ECH1: variants seen among roughly 807,000 people sequenced by gnomAD.
ECH1 encodes the protein enoyl-CoA hydratase 1, also known as delta(3,5)-Delta(2,4)-dienoyl-CoA isomerase, mitochondrial.
In ECH1, 30 loss-of-function variants were observed where a neutral mutation model predicts 37.0. That is an observed-to-expected ratio of 0.81 (90% CI 0.61 to 1.10). The LOEUF is 1.10. ECH1 is among the 50% of genes least tolerant of loss of function. The probability of loss-of-function intolerance (pLI) is 0.00; values close to 1 mark genes in which losing one functional copy is unlikely to be tolerated. For synonymous variants in ECH1, 178 were observed against 176.0 expected (o/e 1.01, Z -0.09); for missense variants, 456 against 441.6 (o/e 1.03, Z -0.29).
At chr19:38,816,600 C>T in intron 6 of ECH1, 77 bp from the exon 7 acceptor site, 1 of 1,538,036 alleles carries the variant, frequency 6.5e-7, no homozygotes, top group Non-Finnish European at 8.9e-7. Flanking sequence ...CATGAAATTT[C>T]ATGTCTACTG....
At chr19:38,819,428 T>C (rs913231888) in intron 3 of ECH1, among the ~76,000 whole-genome samples, 1 of 151,966 alleles carries the variant, frequency 6.6e-6, no homozygotes, top group Non-Finnish European at 1.5e-5. Context: ...CCGCCTTACC[T>C]CCGGGCTGCA....
chr19:38,819,046 C>T (rs985315363), intron 3 of ECH1: 6 of 912,404 alleles, frequency 6.6e-6, no homozygotes, highest in Admixed American at 6.2e-5. Context: ...TTGGAGGCTG[C>T]GGTCAGCTAT....
chr19:38,831,011 G>T, intron 3 of ECH1, 67 bp downstream of exon 3: 2 of 1,411,662 alleles, frequency 1.4e-6, no homozygotes, highest in Non-Finnish European at 2.0e-6. Context: ...TAATTCAGAA[G>T]CACTGCTCCA....
intron 3 of ECH1, among the ~76,000 whole-genome samples, chr19:38,820,960 G>A (rs1319673931): frequency 1.3e-5 from 2 of 152,208 alleles, no homozygotes; most frequent in African/African-American, 4.8e-5. Context: ...AAATGAACAA[G>A]AGGAGGAACA....
rs1568355469 is a variant in ECH1, at chr19:38,815,643, T to C, written c.957A>G (p.Glu319=). 6.2e-7 allele frequency: 1 copy of C among 1,614,076 alleles called. No homozygotes were observed. The highest frequency in any genetic ancestry group is 1.3e-5 in the African/African-American group (1 of 74,936). ...GCTTGGAGAAGGTGACGGTTTTCAG[T>C]TCCTTGTTCTCAGTCGTGGCCTGGA... ...KSVQATTENK[E]LKTVTFSKL Residue 319 remains glutamate, a synonymous_variant, in exon 10 of 10, where the codon GAA becomes GAG. Coordinates refer to ENST00000221418, the MANE Select transcript of ECH1 (RefSeq NM_001398.3).
At chr19:38,819,396 C>A (rs1971628985) in intron 3 of ECH1, among the ~76,000 whole-genome samples, 1 of 152,076 alleles carries the variant, frequency 6.6e-6, no homozygotes, top group Non-Finnish European at 1.5e-5. Flanking sequence ...TCAACGATGG[C>A]CCCATCCCCC....
intron 3 of ECH1, among the ~76,000 whole-genome samples, chr19:38,828,755 A>G (rs1971773736): frequency 6.6e-6 from 1 of 151,876 alleles, no homozygotes; most frequent in East Asian, 2.0e-4. Flanking sequence ...AGCTGGGACT[A>G]AAGGTGCCCG....
intron 2 of ECH1, 42 bp downstream of exon 2, chr19:38,831,267 G>T: frequency 6.2e-7 from 1 of 1,606,178 alleles, no homozygotes; most frequent in Non-Finnish European, 8.5e-7. Context: ...CCGCAGCCCC[G>T]CCTCCCCCCG....
Position 38,816,270 on chromosome 19 carries a change from G to A in ECH1, c.731+14C>T. On this transcript the variant is annotated intron_variant, in intron 8 of 9. Coordinates refer to ENST00000221418, the MANE Select transcript of ECH1 (RefSeq NM_001398.3). Reference sequence around the variant, plus strand: ...GCTGCCCCCAGCACTGAGCTACCACGGCCATGGCCCTACCTGACCAGCCCA... The same window carrying A: ...GCTGCCCCCAGCACTGAGCTACCACAGCCATGGCCCTACCTGACCAGCCCA... The A allele has an allele frequency of 6.2e-7, 1 of 1,612,150 alleles. No individual in the cohort carries two copies. Among genetic ancestry groups the A allele is most frequent in the Middle Eastern group, 2.0e-4 (1 of 4,990 alleles).
chr19:38,826,025 G>A (rs990733627), intron 3 of ECH1, among the ~76,000 whole-genome samples: 1 of 152,202 alleles, frequency 6.6e-6, no homozygotes, highest in Non-Finnish European at 1.5e-5. Context: ...TTAATCTCCT[G>A]TCCTGGACGA....
chr19:38,817,072 T>C lies in ECH1; in HGVS notation c.581A>G (p.Gln194Arg), dbSNP rs971404213. Residue 194 changes from glutamine (Q) to arginine (R), a missense_variant, in exon 6 of 10, where the codon CAG (glutamine) becomes CGG (arginine). Coordinates refer to ENST00000221418, the MANE Select transcript of ECH1 (RefSeq NM_001398.3). ...CTCGGGAGGATGACTCACCTTCACC[T>C]GGAAGAAAGCATCCTGGGCACAGTA... ...IRYCAQDAFF[Q>R]VKEVDVGLAA... The C allele has an allele frequency of 8.3e-6, 13 of 1,571,702 alleles. No homozygotes were observed. The highest frequency in any genetic ancestry group is 1.1e-5 in the Non-Finnish European group (13 of 1,158,792).
At chr19:38,830,067 G>C (rs1254837869) in intron 3 of ECH1, among the ~76,000 whole-genome samples, 1 of 152,158 alleles carries the variant, frequency 6.6e-6, no homozygotes, top group African/African-American at 2.4e-5. Context: ...TGTGGCAGGA[G>C]AATCACTTGA....
At chr19:38,830,970 AAGT>A in intron 3 of ECH1, 105 bp downstream of exon 3, 1 of 1,022,024 alleles carries the variant, frequency 9.8e-7, no homozygotes, top group Non-Finnish European at 1.4e-6. Flanking sequence ...AAAAAAAAAA[AAGT>A]GTGTAAGTCA....
chr19:38,818,932 T>TGTGTGTGTGTGTGTGCGC (rs144733422), intron 3 of ECH1, among the ~76,000 whole-genome samples: 1 of 142,752 alleles, frequency 7.0e-6, no homozygotes, highest in African/African-American at 2.6e-5. Flanking sequence ...TGTGTGTGTG[T>TGTGTGTGTGTGTGTGCGC]GCACTGTTCC....
chr19:38,824,035 T>C (rs757869183), intron 3 of ECH1, among the ~76,000 whole-genome samples: 2 of 152,190 alleles, frequency 1.3e-5, no homozygotes, highest in Non-Finnish European at 2.9e-5. Flanking sequence ...AACAAAGGTA[T>C]TCCTGAAGCT....
chr19:38,823,558 A>G (rs1489572781), intron 3 of ECH1, among the ~76,000 whole-genome samples: 1 of 151,646 alleles, frequency 6.6e-6, no homozygotes, highest in East Asian at 1.9e-4. Context: ...CTCTCTAACA[A>G]CTCCCGACTC....
intron 3 of ECH1, 70 bp downstream of exon 3, chr19:38,831,008 G>C: frequency 7.3e-7 from 1 of 1,364,374 alleles, no homozygotes; most frequent in Non-Finnish European, 1.0e-6. Context: ...CCCTAATTCA[G>C]AAGCACTGCT....
At position 38,817,088 on chromosome 19, in the gene ECH1, G is replaced by C. The variant is rs1217816723; in HGVS notation, c.565C>G (p.Gln189Glu). 4 of 1,576,734 alleles carry C rather than the reference G, an allele frequency of 2.5e-6. No individual in the cohort carries two copies. The highest frequency in any genetic ancestry group is 3.4e-6 in the Non-Finnish European group (4 of 1,161,430). ...ACCTTCACCTGGAAGAAAGCATCCT[G>C]GGCACAGTACCGGATGTCACAGGCG... is the stretch of plus-strand genomic sequence containing the variant. ...VTACDIRYCA[Q>E]DAFFQVKEVD... The change falls in exon 6 of 10, where the codon CAG becomes GAG. Residue 189 changes from glutamine to glutamate, a missense_variant. Physicochemically the swap from Gln to Glu is conservative, Grantham distance 29. Coordinates refer to ENST00000221418, the MANE Select transcript of ECH1 (RefSeq NM_001398.3).
intron 3 of ECH1, among the ~76,000 whole-genome samples, chr19:38,823,459 G>A (rs1971694469): frequency 6.6e-6 from 1 of 152,142 alleles, no homozygotes; most frequent in Non-Finnish European, 1.5e-5. Context: ...GAATTTGGGG[G>A]CTAAATACCA....
Sources: allele counts gnomAD v4.1 joint callset (sites outside exome capture counted in the v4.1 genomes callset), GRCh38; gene constraint gnomAD v4.1.1; transcripts MANE v1.5; gene names NCBI Gene and HGNC (gene_info 2026-07-23, HGNC 2026-07-21).